SOX5: variants seen among roughly 807,000 people sequenced by gnomAD.
The protein encoded by SOX5 is SRY-box transcription factor 5, also known as transcription factor SOX-5.
SOX5 carries 9 observed loss-of-function variants against 92.0 expected under a neutral mutation model. The ratio of observed to expected loss-of-function variants is 0.10; its 90% confidence interval spans 0.06 to 0.17. SOX5 has a LOEUF of 0.17. SOX5 is among the 10% of genes least tolerant of loss of function. The pLI, the probability that SOX5 is intolerant of heterozygous loss-of-function variation, is 1.00. For missense variants in SOX5, 642 were observed against 944.5 expected, an observed-to-expected ratio of 0.68 and a Z score of 4.20; for synonymous variants, 344 against 336.3, an observed-to-expected ratio of 1.02 and a Z score of -0.25.
chr12:24,225,049 G>C (rs890551931), intron 3 of SOX5, among the ~76,000 whole-genome samples: 5 of 152,200 alleles, frequency 3.3e-5, no homozygotes, highest in African/African-American at 1.2e-4. Flanking sequence ...TTGGATAAAA[G>C]AAATTACTTA....
intron 2 of SOX5, among the ~76,000 whole-genome samples, chr12:23,893,744 T>C (rs1467526588): frequency 2.6e-5 from 4 of 152,220 alleles, no homozygotes; most frequent in Non-Finnish European, 4.4e-5. Context: ...AGGAGTGATG[T>C]AATGCCAAAT....
At chr12:24,100,827 T>C (rs1361029287) in intron 4 of SOX5, among the ~76,000 whole-genome samples, 1 of 152,274 alleles carries the variant, frequency 6.6e-6, no homozygotes, top group East Asian at 1.9e-4. Flanking sequence ...TCTACATATG[T>C]CTAGAGTCCA....
intron 4 of SOX5, among the ~76,000 whole-genome samples, chr12:24,122,661 G>C (rs1948745155): frequency 6.6e-6 from 1 of 152,088 alleles, no homozygotes; most frequent in Non-Finnish European, 1.5e-5. Context: ...AACAGTTGTA[G>C]CTTTATTGAA....
chr12:24,475,060 A>G (rs1031610176), intron 1 of SOX5, among the ~76,000 whole-genome samples: 3 of 152,090 alleles, frequency 2.0e-5, no homozygotes, highest in African/African-American at 4.8e-5. Context: ...CATGTTGGCT[A>G]AGCTGGTCAT....
At chr12:24,286,049 C>G (rs545564240) in intron 2 of SOX5, among the ~76,000 whole-genome samples, 2 of 152,138 alleles carry the variant, frequency 1.3e-5, no homozygotes, top group South Asian at 4.2e-4. Context: ...CAAGCTGAAA[C>G]TTTAACCTGC....
In SOX5 at chr12:24,134,135, A is replaced by G. The variant is rs554350092; in HGVS notation, c.-2+79208T>C. Among the ~76,000 whole-genome samples the G allele has an allele frequency of 2.2e-3, 340 of 152,328 alleles. 1 individual carries two copies. The highest frequency in any genetic ancestry group is 7.8e-3 in the African/African-American group (324 of 41,580). On this transcript the variant is annotated intron_variant, in intron 4 of 4. Transcript: ENST00000446891. ...CAGGTTGATAAATGCAGGTGAAGAAACATTAATGTTTAAATTGAGACAAAC... is the reference window on the plus strand; with the variant it reads ...CAGGTTGATAAATGCAGGTGAAGAAGCATTAATGTTTAAATTGAGACAAAC...
intron 1 of SOX5, among the ~76,000 whole-genome samples, chr12:23,915,452 A>G (rs2097403365): frequency 6.6e-6 from 1 of 152,138 alleles, no homozygotes; most frequent in South Asian, 2.1e-4. Flanking sequence ...AAGACTTAGA[A>G]TTCGTGGTGT....
intron 2 of SOX5, among the ~76,000 whole-genome samples, chr12:24,279,164 A>T (rs1309154136): frequency 6.6e-6 from 1 of 152,164 alleles, no homozygotes; most frequent in Non-Finnish European, 1.5e-5. Context: ...ACCAGATTGT[A>T]GTTGGCATAT....
chr12:23,890,648 C>G (rs2137495409), intron 2 of SOX5, among the ~76,000 whole-genome samples: 1 of 152,110 alleles, frequency 6.6e-6, no homozygotes, highest in South Asian at 2.1e-4. Flanking sequence ...CTTCTGGTGC[C>G]CACAAATACT....
chr12:23,955,362 TAAC>T (rs1019164774), upstream of SOX5, among the ~76,000 whole-genome samples: 2 of 152,124 alleles, frequency 1.3e-5, no homozygotes, highest in African/African-American at 4.8e-5. Flanking sequence ...TTTGTAGTGA[TAAC>T]AATCACCAGA....
At chr12:23,536,329 G>A in intron 14 of SOX5, 124 bp downstream of exon 14, 2 of 760,298 alleles carry the variant, frequency 2.6e-6, no homozygotes, top group Non-Finnish European at 4.3e-6. Context: ...ATTTGTCTCT[G>A]AAAATACTGT....
At chr12:23,996,516 A>G (rs1029456366) in intron 4 of SOX5, among the ~76,000 whole-genome samples, 9 of 152,216 alleles carry the variant, frequency 5.9e-5, no homozygotes, top group African/African-American at 9.6e-5. Context: ...TAAGTGTTCA[A>G]AGCAGCACTA....
intron 1 of SOX5, among the ~76,000 whole-genome samples, chr12:24,461,362 G>A (rs1943608585): frequency 6.7e-6 from 1 of 148,814 alleles, no homozygotes; most frequent in South Asian, 2.2e-4. Flanking sequence ...GATACCAGTG[G>A]ATCTACACCT....
chr12:23,976,798 G>A (rs1256175756), intron 4 of SOX5, among the ~76,000 whole-genome samples: 1 of 151,546 alleles, frequency 6.6e-6, no homozygotes, highest in Non-Finnish European at 1.5e-5. Flanking sequence ...CTCGCGACTT[G>A]TTTTTTTCTG....
At chr12:24,018,751 C>G (rs1036794773) in intron 4 of SOX5, among the ~76,000 whole-genome samples, 1 of 152,016 alleles carries the variant, frequency 6.6e-6, no homozygotes, top group Non-Finnish European at 1.5e-5. Context: ...GAGCTGAGAT[C>G]ACACCCATTG....
chr12:24,464,865 G>A (rs1944053542), intron 1 of SOX5, among the ~76,000 whole-genome samples: 2 of 152,204 alleles, frequency 1.3e-5, no homozygotes, highest in Admixed American at 1.3e-4. Context: ...ATGTTAACAT[G>A]ATCACTGTAA....
At chr12:24,092,862 A>G (rs1569539945) in intron 4 of SOX5, among the ~76,000 whole-genome samples, 1 of 152,192 alleles carries the variant, frequency 6.6e-6, no homozygotes, top group African/African-American at 2.4e-5. Context: ...AGTAGTCCAG[A>G]AAAGTGCTTG....
chr12:24,117,107 C>T (rs1948095529), intron 4 of SOX5, among the ~76,000 whole-genome samples: 1 of 151,866 alleles, frequency 6.6e-6, no homozygotes, highest in Non-Finnish European at 1.5e-5. Flanking sequence ...ATTCAAATAA[C>T]TCAACAACAA....
At chr12:23,556,675 CT>C (rs1191408201) in intron 11 of SOX5, among the ~76,000 whole-genome samples, 2 of 152,206 alleles carry the variant, frequency 1.3e-5, no homozygotes, top group African/African-American at 4.8e-5. Context: ...TTATAATTCA[CT>C]TTAGCTAAAG....
Sources: allele counts gnomAD v4.1 joint callset (sites outside exome capture counted in the v4.1 genomes callset), GRCh38; gene constraint gnomAD v4.1.1; transcripts MANE v1.5; gene names NCBI Gene and HGNC (gene_info 2026-07-23, HGNC 2026-07-21).